Variants in EFCAB11 observed in about 807,000 individuals in gnomAD.
The protein encoded by EFCAB11 is EF-hand calcium-binding domain-containing protein 11.
EFCAB11 carries 14 observed loss-of-function variants against 23.0 expected under a neutral mutation model. The ratio of observed to expected loss-of-function variants is 0.61; its 90% CI spans 0.40 to 0.95. EFCAB11 has a LOEUF of 0.95. Among genes scored for constraint, EFCAB11 ranks in the 40% least tolerant of loss-of-function variants. The pLI is 0.00. For synonymous variants in EFCAB11, 65 were observed against 66.6 expected (o/e 0.98, Z 0.11); for missense variants, 198 against 195.8 (o/e 1.01, Z -0.07).
Position 89,919,196 on chromosome 14 carries a change from G to C in EFCAB11, c.410+12345C>G, listed in dbSNP as rs549026136. Among the ~76,000 whole-genome samples, 125 of 127,872 alleles carry C rather than the reference G, an allele frequency of 9.8e-4. 1 individual carries two copies. Among genetic ancestry groups the C allele is most frequent in the African/African-American group, 5.1e-3 (118 of 23,030 alleles). 83.9% of individuals were successfully genotyped at this position (127,872 alleles called of 152,430 possible). On this transcript the variant is annotated intron_variant, in intron 5 of 5. Transcript: ENST00000316738. ...GACATCACACTTGATGAGAGAGAGAGAGAGAGACAGAGAGAGAGAGAGAGA... is the reference window on the plus strand; with the variant it reads ...GACATCACACTTGATGAGAGAGAGACAGAGAGACAGAGAGAGAGAGAGAGA...
At chr14:89,952,107 TTAAG>T (rs540868814) in intron 2 of EFCAB11, among the ~76,000 whole-genome samples, 43 of 152,298 alleles carry the variant, frequency 2.8e-4, no homozygotes, top group African/African-American at 9.4e-4. Context: ...TTCACAGAAA[TTAAG>T]TGTCACCTGC....
At chr14:89,800,188 T>TAAAC (rs55693480) in intron 5 of EFCAB11, among the ~76,000 whole-genome samples, 35,545 of 149,898 alleles carry the variant, frequency 0.24, 4,352 homozygotes, top group Middle Eastern at 0.31. Context: ...CTCAATCTCG[T>TAAAC]AAACAAACAA....
At chr14:89,939,896 G>A (rs1316943870) in intron 3 of EFCAB11, among the ~76,000 whole-genome samples, 4 of 152,000 alleles carry the variant, frequency 2.6e-5, no homozygotes, top group Non-Finnish European at 4.4e-5. Context: ...CCACCACCAC[G>A]CCCAGCTAAT....
chr14:89,860,374 C>CAAAA (rs143417238), intron 5 of EFCAB11, among the ~76,000 whole-genome samples: 2,423 of 152,150 alleles, frequency 0.016, 60 homozygotes, highest in African/African-American at 0.056. Context: ...TCAAAACAAA[C>CAAAA]AAACAAACAA....
chr14:89,889,947 A>G (rs1041988113), intron 5 of EFCAB11, among the ~76,000 whole-genome samples: 1 of 152,204 alleles, frequency 6.6e-6, no homozygotes, highest in Non-Finnish European at 1.5e-5. Context: ...ACTGTAATAA[A>G]TCATAGCCAT....
At chr14:89,909,694 C>A (rs978550453) in intron 5 of EFCAB11, among the ~76,000 whole-genome samples, 1 of 152,202 alleles carries the variant, frequency 6.6e-6, no homozygotes, top group Admixed American at 6.5e-5. Context: ...TCACCTGGCA[C>A]TGCCTATCTC....
chr14:89,912,825 G>A (rs1253078973), intron 5 of EFCAB11, among the ~76,000 whole-genome samples: 4 of 152,194 alleles, frequency 2.6e-5, no homozygotes, highest in South Asian at 4.1e-4. Context: ...CTGTGTACTC[G>A]ATTTCCATGG....
rs370344708 is a variant in EFCAB11 at position 89,925,052 on chromosome 14, A to G, written c.410+6489T>C. 7.1e-4 allele frequency among the ~76,000 whole-genome samples: 108 copies of G among 152,376 alleles called. 3 individuals carry two copies. The South Asian group carries it at 0.022, about 31-fold the overall frequency. On this transcript the variant is annotated intron_variant, in intron 5 of 5. Transcript: ENST00000316738. ...AATGAAAAAATACATAACAATAAAT[A>G]CTATCAACATTTAAGGAAAGAAGAC...
At chr14:89,937,607 C>A (rs1207019278) in intron 3 of EFCAB11, among the ~76,000 whole-genome samples, 4 of 152,184 alleles carry the variant, frequency 2.6e-5, no homozygotes, top group Non-Finnish European at 4.4e-5. Context: ...CTCACTGCAA[C>A]CTCCACCTCC....
At chr14:89,930,049 A>G (rs1248451006) in intron 5 of EFCAB11, among the ~76,000 whole-genome samples, 1 of 152,228 alleles carries the variant, frequency 6.6e-6, no homozygotes, top group Non-Finnish European at 1.5e-5. Flanking sequence ...GATATTCACT[A>G]CCTATCTCAT....
intron 3 of EFCAB11, among the ~76,000 whole-genome samples, chr14:89,948,786 A>G (rs150330568): frequency 2.8e-4 from 42 of 152,312 alleles, no homozygotes; most frequent in African/African-American, 9.4e-4. Flanking sequence ...AATCAAGACA[A>G]TTTAATTCAT....
chr14:89,904,502 G>A (rs551885400), intron 5 of EFCAB11, among the ~76,000 whole-genome samples: 19 of 152,152 alleles, frequency 1.2e-4, no homozygotes, highest in Non-Finnish European at 2.2e-4. Flanking sequence ...GTAATGGGAT[G>A]GCTGGGTCAA....
chr14:89,844,191 T>C (rs1887360564), intron 5 of EFCAB11, among the ~76,000 whole-genome samples: 1 of 152,240 alleles, frequency 6.6e-6, no homozygotes, highest in Admixed American at 6.5e-5. Flanking sequence ...AAATGCTGTA[T>C]GGATACTTCC....
At chr14:89,906,404 T>C (rs1596445883) in intron 5 of EFCAB11, among the ~76,000 whole-genome samples, 1 of 152,270 alleles carries the variant, frequency 6.6e-6, no homozygotes, top group South Asian at 2.1e-4. Flanking sequence ...AAATTTCCTA[T>C]AGCATTTGGG....
chr14:89,919,732 A>G lies in EFCAB11; in HGVS notation c.410+11809T>C, dbSNP rs1889964717. 2.6e-5 allele frequency among the ~76,000 whole-genome samples: 4 copies of G among 152,284 alleles called. No homozygotes were observed. The South Asian group carries it at 8.3e-4, about 32-fold the overall frequency. ...TAGGAAATGGGTGAGCCAGTCTACC[A>G]AAGGAGCCATCATCAGTAGCTTCAA... On this transcript the variant is annotated intron_variant, in intron 5 of 5. Coordinates refer to ENST00000316738, the MANE Select transcript of EFCAB11 (RefSeq NM_145231.4).
At chr14:89,937,745 C>T (rs1890638568) in intron 3 of EFCAB11, among the ~76,000 whole-genome samples, 1 of 152,034 alleles carries the variant, frequency 6.6e-6, no homozygotes, top group Admixed American at 6.6e-5. Context: ...AGGCTGGTCT[C>T]GAACTCCCGA....
chr14:89,807,749 C>A (rs1449632854), intron 5 of EFCAB11, among the ~76,000 whole-genome samples: 5 of 152,028 alleles, frequency 3.3e-5, no homozygotes, highest in Non-Finnish European at 7.4e-5. Flanking sequence ...GATAGAAGGA[C>A]TGTAGAGTTT....
chr14:89,841,287 C>T (rs1887255378), intron 5 of EFCAB11, among the ~76,000 whole-genome samples: 1 of 152,076 alleles, frequency 6.6e-6, no homozygotes, highest in Non-Finnish European at 1.5e-5. Context: ...TGGAACACCC[C>T]ATTCTAACAA....
At chr14:89,836,412 C>A (rs998799077) in intron 5 of EFCAB11, 7 of 364,424 alleles carry the variant, frequency 1.9e-5, no homozygotes, top group South Asian at 1.3e-4. Context: ...AGCCCTGAGG[C>A]TGCTTTTAGT....
Sources: allele counts gnomAD v4.1 joint callset (sites outside exome capture counted in the v4.1 genomes callset), GRCh38; gene constraint gnomAD v4.1.1; transcripts MANE v1.5; gene names NCBI Gene and HGNC (gene_info 2026-07-23, HGNC 2026-07-21).